SEMA5A: variants seen among roughly 807,000 people sequenced by gnomAD.
SEMA5A encodes the protein semaphorin 5A.
SEMA5A carries 55 observed loss-of-function variants against 135.5 expected under a neutral mutation model. The observed-to-expected ratio is 0.41, with a 90% confidence interval of 0.33 to 0.51. SEMA5A has a LOEUF of 0.51. SEMA5A is among the 20% of genes least tolerant of loss of function. The pLI, the probability that SEMA5A is intolerant of heterozygous loss-of-function variation, is 0.37. For synonymous variants in SEMA5A, 580 were observed against 546.5 expected, an observed-to-expected ratio of 1.06 and a Z score of -0.85; for missense variants, 1,290 against 1,419.9, an observed-to-expected ratio of 0.91 and a Z score of 1.47.
At chr5:9,075,760 A>G (rs1471918372) in intron 16 of SEMA5A, among the ~76,000 whole-genome samples, 1 of 152,196 alleles carries the variant, frequency 6.6e-6, no homozygotes, top group Non-Finnish European at 1.5e-5. Flanking sequence ...TGGTTTTATG[A>G]ATGTATAAAT....
At chr5:9,287,361 G>A (rs1373013095) in intron 5 of SEMA5A, among the ~76,000 whole-genome samples, 2 of 152,242 alleles carry the variant, frequency 1.3e-5, no homozygotes, top group African/African-American at 2.4e-5. Flanking sequence ...TTCAGTTTAA[G>A]CAGAATAGAC....
chr5:9,502,515 C>T (rs773308484), intron 1 of SEMA5A, among the ~76,000 whole-genome samples: 5 of 152,120 alleles, frequency 3.3e-5, no homozygotes, highest in Non-Finnish European at 7.3e-5. Flanking sequence ...GAGAGCTGGC[C>T]TGGAGTCGCT....
At chr5:9,058,329 A>G (rs1437655862) in intron 18 of SEMA5A, among the ~76,000 whole-genome samples, 1 of 152,132 alleles carries the variant, frequency 6.6e-6, no homozygotes, top group Non-Finnish European at 1.5e-5. Flanking sequence ...CAGGCTGAGC[A>G]CAGAACCTGA....
intron 4 of SEMA5A, among the ~76,000 whole-genome samples, chr5:9,336,622 T>C (rs903283854): frequency 2.0e-5 from 3 of 152,136 alleles, no homozygotes; most frequent in African/African-American, 7.2e-5. Context: ...CTAGGTGCAA[T>C]AAACTATGCC....
At chr5:9,395,856 G>A (rs1756373553) in intron 2 of SEMA5A, among the ~76,000 whole-genome samples, 1 of 152,124 alleles carries the variant, frequency 6.6e-6, no homozygotes, top group African/African-American at 2.4e-5. Flanking sequence ...AATCCCTGCA[G>A]TTCTCTTTGA....
At chr5:9,148,564 C>T (rs1263808225) in intron 12 of SEMA5A, among the ~76,000 whole-genome samples, 1 of 152,186 alleles carries the variant, frequency 6.6e-6, no homozygotes, top group Non-Finnish European at 1.5e-5. Flanking sequence ...TCATTGCTTT[C>T]CAGGTTCTGA....
intron 5 of SEMA5A, among the ~76,000 whole-genome samples, chr5:9,274,231 A>G (rs533757919): frequency 6.6e-6 from 1 of 152,170 alleles, no homozygotes; most frequent in South Asian, 2.1e-4. Flanking sequence ...AATAAAGATC[A>G]AAAGAGACAA....
chr5:9,479,366 C>T (rs750850959), intron 1 of SEMA5A, among the ~76,000 whole-genome samples: 2 of 149,398 alleles, frequency 1.3e-5, no homozygotes, highest in Non-Finnish European at 3.0e-5. Context: ...CCTGGGTAAC[C>T]TAGTGTGACC....
intron 3 of SEMA5A, among the ~76,000 whole-genome samples, chr5:9,357,203 T>C (rs1453224218): frequency 6.6e-6 from 1 of 152,194 alleles, no homozygotes; most frequent in East Asian, 1.9e-4. Context: ...AATTCTATTT[T>C]TGATATACTG....
intron 1 of SEMA5A, among the ~76,000 whole-genome samples, chr5:9,524,178 G>C (rs1294331787): frequency 6.6e-6 from 1 of 152,108 alleles, no homozygotes; most frequent in African/African-American, 2.4e-5. Context: ...ATGTGGAAAA[G>C]AGTGCTTGCT....
At chr5:9,073,954 A>G (rs1002124825) in intron 16 of SEMA5A, among the ~76,000 whole-genome samples, 2 of 152,184 alleles carry the variant, frequency 1.3e-5, no homozygotes, top group African/African-American at 4.8e-5. Context: ...TACAATCCTA[A>G]TTATAATTCC....
At chr5:9,073,273 C>T (rs1737867925) in intron 16 of SEMA5A, among the ~76,000 whole-genome samples, 1 of 152,104 alleles carries the variant, frequency 6.6e-6, no homozygotes, top group African/African-American at 2.4e-5. Context: ...GATCAAGTGG[C>T]TTTCATGTCA....
chr5:9,493,259 A>G (rs1735123568), intron 1 of SEMA5A, among the ~76,000 whole-genome samples: 1 of 149,820 alleles, frequency 6.7e-6, no homozygotes, highest in Admixed American at 6.7e-5. Context: ...AAATATATAT[A>G]CCTGTAAATA....
intron 16 of SEMA5A, among the ~76,000 whole-genome samples, chr5:9,094,985 AG>A (rs1739240357): frequency 6.6e-6 from 1 of 152,142 alleles, no homozygotes; most frequent in Non-Finnish European, 1.5e-5. Context: ...TATGCCATGG[AG>A]GGAAATGAAG....
chr5:9,482,777 T>A (rs746425308), intron 1 of SEMA5A, among the ~76,000 whole-genome samples: 4 of 152,216 alleles, frequency 2.6e-5, no homozygotes, highest in Non-Finnish European at 5.9e-5. Context: ...GAAGTGGAAC[T>A]GAAAAGAAGC....
chr5:9,372,774 G>A (rs1755195808), intron 3 of SEMA5A, among the ~76,000 whole-genome samples: 1 of 152,124 alleles, frequency 6.6e-6, no homozygotes, highest in Admixed American at 6.5e-5. Context: ...CACATGCACG[G>A]AGCCATGTCA....
chr5:9,069,607 C>G (rs574007943), intron 16 of SEMA5A, among the ~76,000 whole-genome samples: 1 of 151,932 alleles, frequency 6.6e-6, no homozygotes. Context: ...TTTTTTACAG[C>G]GGATAACACT....
chr5:9,464,999 CTTT>C (rs556329212), intron 1 of SEMA5A, among the ~76,000 whole-genome samples: 17 of 152,302 alleles, frequency 1.1e-4, no homozygotes, highest in Admixed American at 2.6e-4. Flanking sequence ...TGAAATGCTT[CTTT>C]AAGGAGCCCC....
At chr5:9,058,898 G>A (rs1434670024) in intron 18 of SEMA5A, among the ~76,000 whole-genome samples, 2 of 152,134 alleles carry the variant, frequency 1.3e-5, no homozygotes, top group Non-Finnish European at 2.9e-5. Flanking sequence ...ACTGCCCCCT[G>A]CCTGGCTCCA....
Sources: allele counts gnomAD v4.1 joint callset (sites outside exome capture counted in the v4.1 genomes callset), GRCh38; gene constraint gnomAD v4.1.1; transcripts MANE v1.5; gene names NCBI Gene and HGNC (gene_info 2026-07-23, HGNC 2026-07-21).